Variants in CNTN5 observed in about 807,000 individuals in gnomAD.
The protein encoded by CNTN5 is contactin-5.
A neutral mutation model predicts 129.1 loss-of-function variants in CNTN5; 77 were observed. That is an observed-to-expected ratio of 0.60 (90% CI 0.50 to 0.72). The LOEUF (loss-of-function observed/expected upper bound fraction) is 0.72, where lower values mean the gene tolerates loss of function less well. CNTN5 is among the 30% of genes least tolerant of loss of function. The pLI is 0.00. For missense variants in CNTN5, 1,478 were observed against 1,328.8 expected, an observed-to-expected ratio of 1.11 and a Z score of -1.75; for synonymous variants, 509 against 465.6, an observed-to-expected ratio of 1.09 and a Z score of -1.20.
chr11:99,087,923 G>A (rs905615977), intron 1 of CNTN5, among the ~76,000 whole-genome samples: 2 of 152,120 alleles, frequency 1.3e-5, no homozygotes, highest in East Asian at 3.9e-4. Flanking sequence ...ATGGTCAGAA[G>A]GGCCAAATGC....
At chr11:99,160,910 G>T (rs896996942) in intron 1 of CNTN5, among the ~76,000 whole-genome samples, 6 of 152,158 alleles carry the variant, frequency 3.9e-5, no homozygotes, top group Admixed American at 3.3e-4. Flanking sequence ...TGATTGAATA[G>T]ATCACGTAAT....
intron 8 of CNTN5, among the ~76,000 whole-genome samples, chr11:99,988,332 A>G (rs893694058): frequency 6.6e-6 from 1 of 152,212 alleles, no homozygotes; most frequent in Non-Finnish European, 1.5e-5. Flanking sequence ...GAGTTATGCA[A>G]CCAGGCAGCT....
intron 3 of CNTN5, among the ~76,000 whole-genome samples, chr11:99,660,202 CAAAAT>C (rs1344536012): frequency 1.3e-5 from 2 of 152,020 alleles, no homozygotes; most frequent in East Asian, 1.9e-4. Context: ...TCTTGGATCT[CAAAAT>C]AATCTTCATA....
At chr11:99,513,749 C>A (rs1946934320) in intron 2 of CNTN5, among the ~76,000 whole-genome samples, 1 of 151,910 alleles carries the variant, frequency 6.6e-6, no homozygotes, top group African/African-American at 2.4e-5. Flanking sequence ...AAAAAGATTC[C>A]TTTCAAAATA....
chr11:99,575,932 T>A (rs573748772), intron 3 of CNTN5, among the ~76,000 whole-genome samples: 8 of 152,146 alleles, frequency 5.3e-5, no homozygotes, highest in South Asian at 2.1e-4. Context: ...AAAGAACCAA[T>A]AGGGGCAACC....
chr11:100,051,329 C>G (rs2137742542), intron 9 of CNTN5, among the ~76,000 whole-genome samples: 2 of 151,956 alleles, frequency 1.3e-5, no homozygotes, highest in East Asian at 1.9e-4. Flanking sequence ...AATTATGTAT[C>G]AATAACAAAA....
At chr11:99,454,017 A>G (rs938531600) in intron 2 of CNTN5, among the ~76,000 whole-genome samples, 1 of 152,186 alleles carries the variant, frequency 6.6e-6, no homozygotes, top group African/African-American at 2.4e-5. Flanking sequence ...CCTTAGAAAG[A>G]TAAATAAAAT....
chr11:99,381,572 G>C (rs2136160732), intron 2 of CNTN5, among the ~76,000 whole-genome samples: 1 of 152,286 alleles, frequency 6.6e-6, no homozygotes, highest in South Asian at 2.1e-4. Flanking sequence ...TTCAAGATTA[G>C]TCAGAAGTTG....
chr11:100,026,943 C>T (rs1201904514), intron 9 of CNTN5, among the ~76,000 whole-genome samples: 2 of 151,788 alleles, frequency 1.3e-5, no homozygotes, highest in African/African-American at 2.4e-5. Context: ...TCTAAAATGT[C>T]ATTATCAAAA....
chr11:99,080,469 G>C (rs1245927308), intron 1 of CNTN5, among the ~76,000 whole-genome samples: 1 of 152,090 alleles, frequency 6.6e-6, no homozygotes, highest in Admixed American at 6.6e-5. Flanking sequence ...CTCTTTTAAA[G>C]GTAGCAAGAT....
At chr11:100,234,614 G>C (rs1009256233) in intron 16 of CNTN5, among the ~76,000 whole-genome samples, 1 of 151,738 alleles carries the variant, frequency 6.6e-6, no homozygotes, top group African/African-American at 2.4e-5. Flanking sequence ...GACACAGGGA[G>C]GGGAACATTC....
intron 15 of CNTN5, among the ~76,000 whole-genome samples, chr11:100,200,603 C>T (rs73562483): frequency 0.031 from 4,732 of 151,886 alleles, 239 homozygotes; most frequent in African/African-American, 0.11. Flanking sequence ...GAATATAAAG[C>T]TCTCTGATAG....
chr11:99,379,730 A>G (rs961812374), intron 2 of CNTN5, among the ~76,000 whole-genome samples: 4 of 152,282 alleles, frequency 2.6e-5, no homozygotes, highest in African/African-American at 4.8e-5. Context: ...AATTCAGCTC[A>G]TGGCCCCTCC....
At position 99,330,965 on chromosome 11, in the gene CNTN5, G is replaced by GAC. The variant is rs1162805421; in HGVS notation, c.-71+5493_-71+5494dup. Among the ~76,000 whole-genome samples, 7 of 151,300 alleles carry GAC rather than the reference G, an allele frequency of 4.6e-5. No individual in the cohort carries two copies. The East Asian group carries it at 9.7e-4, about 21-fold the overall frequency. On this transcript the variant is annotated intron_variant, in intron 2 of 24. Transcript: ENST00000524871. ...ACACATGTGCACACACACACATTCA[G>GAC]ACACACACACACATACACACACAAA...
At chr11:99,741,921 T>G (rs567683851) in intron 3 of CNTN5, among the ~76,000 whole-genome samples, 2 of 152,262 alleles carry the variant, frequency 1.3e-5, no homozygotes, top group South Asian at 4.1e-4. Flanking sequence ...AATTTCCCCC[T>G]GATTTCCTCC....
intron 2 of CNTN5, among the ~76,000 whole-genome samples, chr11:99,411,529 T>C (rs1263015163): frequency 6.6e-6 from 1 of 150,992 alleles, no homozygotes; most frequent in African/African-American, 2.4e-5. Context: ...CAAAAATAAA[T>C]AAATAAATAC....
At chr11:99,384,622 A>T (rs1007211096) in intron 2 of CNTN5, among the ~76,000 whole-genome samples, 2 of 152,210 alleles carry the variant, frequency 1.3e-5, no homozygotes, top group South Asian at 2.1e-4. Context: ...AAACTTCTTT[A>T]TCTCAGTTCC....
intron 2 of CNTN5, among the ~76,000 whole-genome samples, chr11:99,550,015 G>T (rs764608527): frequency 6.6e-6 from 1 of 151,924 alleles, no homozygotes; most frequent in Non-Finnish European, 1.5e-5. Context: ...CCTATTCCAC[G>T]CAGGTTTTGT....
intron 1 of CNTN5, among the ~76,000 whole-genome samples, chr11:99,075,589 T>A (rs1027480026): frequency 3.9e-5 from 6 of 152,210 alleles, no homozygotes; most frequent in Admixed American, 3.9e-4. Context: ...ATATTCTTTT[T>A]CTATTATCAA....
Sources: allele counts gnomAD v4.1 joint callset (sites outside exome capture counted in the v4.1 genomes callset), GRCh38; gene constraint gnomAD v4.1.1; transcripts MANE v1.5; gene names NCBI Gene and HGNC (gene_info 2026-07-23, HGNC 2026-07-21).